SAAL1: variants seen among roughly 807,000 people sequenced by gnomAD.
The protein encoded by SAAL1 is serum amyloid A like 1.
In SAAL1, 42 loss-of-function variants were observed where a neutral mutation model predicts 59.8. The observed-to-expected ratio is 0.70, with a 90% CI of 0.55 to 0.91. The LOEUF (loss-of-function observed/expected upper bound fraction) is 0.91. SAAL1 is among the 40% of genes least tolerant of loss of function. The pLI is 0.00. For missense variants in SAAL1, 542 were observed against 561.1 expected, an observed-to-expected ratio of 0.97 and a Z score of 0.34; for synonymous variants, 191 against 194.3, an observed-to-expected ratio of 0.98 and a Z score of 0.14.
chr11:18,088,090 T>C (rs890575052), intron 7 of SAAL1, among the ~76,000 whole-genome samples: 4 of 152,154 alleles, frequency 2.6e-5, no homozygotes, highest in Non-Finnish European at 5.9e-5. Context: ...AAACATACTG[T>C]GCAAGGGCCT....
intron 2 of SAAL1, 23 bp downstream of exon 2, chr11:18,103,210 G>A: frequency 6.8e-7 from 1 of 1,475,570 alleles, no homozygotes; most frequent in Non-Finnish European, 9.5e-7. Context: ...ACAGTCTTCA[G>A]AGTTTTGTTT....
At chr11:18,097,097 C>T (rs1305265637) in intron 2 of SAAL1, among the ~76,000 whole-genome samples, 2 of 151,972 alleles carry the variant, frequency 1.3e-5, no homozygotes, top group Non-Finnish European at 2.9e-5. Flanking sequence ...ATTAGCCGGG[C>T]ATGGCGGCAT....
At chr11:18,094,700 G>A (rs914060212) in intron 3 of SAAL1, among the ~76,000 whole-genome samples, 4 of 152,154 alleles carry the variant, frequency 2.6e-5, no homozygotes, top group Non-Finnish European at 4.4e-5. Context: ...GGTGAGAGAC[G>A]AGTGACTGAA....
intron 7 of SAAL1, among the ~76,000 whole-genome samples, chr11:18,089,118 G>C (rs1162374159): frequency 6.6e-6 from 1 of 152,192 alleles, no homozygotes; most frequent in Non-Finnish European, 1.5e-5. Context: ...CACAGTTAAT[G>C]TTGAGTAACA....
chr11:18,105,805 T>G, intron 1 of SAAL1, 102 bp downstream of exon 1: 1 of 1,391,698 alleles, frequency 7.2e-7, no homozygotes, highest in Non-Finnish European at 9.4e-7. Flanking sequence ...GGAGGGGTCT[T>G]TGTGGGGATG....
chr11:18,101,690 T>C (rs989876223), intron 2 of SAAL1, among the ~76,000 whole-genome samples: 2 of 152,138 alleles, frequency 1.3e-5, no homozygotes, highest in African/African-American at 2.4e-5. Flanking sequence ...ACAAAGTATA[T>C]GTCCATACAC....
chr11:18,101,010 C>T (rs937849232), intron 2 of SAAL1, among the ~76,000 whole-genome samples: 2 of 152,136 alleles, frequency 1.3e-5, no homozygotes, highest in African/African-American at 4.8e-5. Flanking sequence ...CAAATAAACA[C>T]ATGAAAAGAT....
At chr11:18,093,024 A>G (rs1391139518) in intron 3 of SAAL1, among the ~76,000 whole-genome samples, 1 of 152,138 alleles carries the variant, frequency 6.6e-6, no homozygotes, top group Non-Finnish European at 1.5e-5. Flanking sequence ...TGCCTTTCTG[A>G]GCAGCACGAT....
chr11:18,102,043 TTC>T (rs1848639321), intron 2 of SAAL1, among the ~76,000 whole-genome samples: 3 of 152,006 alleles, frequency 2.0e-5, no homozygotes, highest in Admixed American at 2.0e-4. Flanking sequence ...TAAAGAAACT[TTC>T]AGGGGTGATG....
chr11:18,086,262 T>G (rs1848462613), intron 9 of SAAL1, among the ~76,000 whole-genome samples: 1 of 152,022 alleles, frequency 6.6e-6, no homozygotes, highest in Admixed American at 6.5e-5. Flanking sequence ...ACTAGCCAGG[T>G]GTGGCGTCAT....
intron 6 of SAAL1, 105 bp downstream of exon 6, chr11:18,090,070 C>G: frequency 8.9e-7 from 1 of 1,125,206 alleles, no homozygotes; most frequent in Non-Finnish European, 1.2e-6. Context: ...TTACCTTGCA[C>G]TCAAGGCTTT....
At chr11:18,100,423 G>C (rs1476820728) in intron 2 of SAAL1, among the ~76,000 whole-genome samples, 1 of 152,164 alleles carries the variant, frequency 6.6e-6, no homozygotes, top group East Asian at 1.9e-4. Context: ...AAAAAGTAAA[G>C]AATATTAGAA....
rs576797723 is a variant in SAAL1 at position 18,080,343 on chromosome 11, T to A, written c.*56A>T. 19 of 1,083,488 alleles carry A rather than the reference T, an allele frequency of 1.8e-5. No individual in the cohort carries two copies. In the South Asian group the frequency reaches 2.4e-4, roughly 14 times the overall value. The allele number at this position is 1,083,488 out of a possible 1,614,324, so 67.1% of individuals were successfully genotyped here. Reference sequence around the variant, plus strand: ...ATATTTCCAATAAGTCAATTTCAACTGTCAGTGAGAAAAATAAAGTTTATT... The same window carrying A: ...ATATTTCCAATAAGTCAATTTCAACAGTCAGTGAGAAAAATAAAGTTTATT... On this transcript the variant is annotated 3_prime_UTR_variant, in exon 12 of 12. Transcript: ENST00000524803.
In SAAL1 at chr11:18,081,308, T is replaced by C. The variant is rs564312872; in HGVS notation, c.1332+103A>G. The C allele has an allele frequency of 1.3e-5, 10 of 780,246 alleles. No homozygotes were observed. The African/African-American group carries it at 1.6e-4, about 12-fold the overall frequency. The allele number at this position is 780,246 out of a possible 1,614,324, so 48.3% of individuals were successfully genotyped here. A position where few individuals can be genotyped will look rare whatever the true frequency, so the allele number is the denominator to read the frequency against. On this transcript the variant is annotated intron_variant, in intron 11 of 11. Transcript: ENST00000524803. The stretch of plus-strand genomic sequence containing the variant: ...AAGGCATTAAGTCATATAAATTGTA[T>C]ATACTATCATTTTTGACAATGACCT...
intron 9 of SAAL1, among the ~76,000 whole-genome samples, chr11:18,086,133 G>A (rs1184650959): frequency 6.6e-6 from 1 of 152,232 alleles, no homozygotes; most frequent in African/African-American, 2.4e-5. Context: ...GCAGGGTGCA[G>A]TGGCTCATGC....
intron 10 of SAAL1, 22 bp from the exon 11 acceptor site, chr11:18,081,525 A>G (rs1405264342): frequency 6.2e-7 from 1 of 1,607,332 alleles, no homozygotes; most frequent in Non-Finnish European, 8.5e-7. Context: ...ACAAGATTTA[A>G]TGTCAAAAAA....
intron 1 of SAAL1, among the ~76,000 whole-genome samples, chr11:18,104,248 T>C (rs889313724): frequency 1.3e-5 from 2 of 152,222 alleles, no homozygotes; most frequent in Non-Finnish European, 2.9e-5. Context: ...GCACTTACTT[T>C]AATATTAACC....
intron 2 of SAAL1, 42 bp from the exon 3 acceptor site, chr11:18,096,896 C>G (rs746131495): frequency 2.0e-6 from 2 of 1,006,058 alleles, no homozygotes; most frequent in South Asian, 1.4e-5. Context: ...TTGAATATTC[C>G]TCCCTAAACC....
chr11:18,089,937 C>T (rs964826323), intron 6 of SAAL1, among the ~76,000 whole-genome samples: 2 of 152,012 alleles, frequency 1.3e-5, no homozygotes, highest in Non-Finnish European at 2.9e-5. Flanking sequence ...ATAGTCCCAG[C>T]TATTGGGGAG....
Sources: gnomAD v4.1 joint callset for allele counts (sites outside exome capture counted in the v4.1 genomes callset) on GRCh38, gnomAD v4.1.1 for gene constraint, MANE v1.5 for transcripts, NCBI Gene and HGNC (gene_info 2026-07-23, HGNC 2026-07-21) for gene names.